Variants in VAT1L observed in about 807,000 individuals in gnomAD.
The protein encoded by VAT1L is putative NADPH-dependent quinone oxidoreductase VAT1L.
Under a neutral mutation model 44.1 loss-of-function variants are expected in VAT1L, and 34 were observed. The observed-to-expected ratio is 0.77, with a 90% CI of 0.59 to 1.03. The LOEUF is 1.03. Among genes scored for constraint, VAT1L ranks in the 50% least tolerant of loss-of-function variants. The pLI is 0.00. For synonymous variants in VAT1L, 253 were observed against 202.2 expected (o/e 1.25, Z -2.13); for missense variants, 615 against 538.8 (o/e 1.14, Z -1.40).
rs1186108261 is a variant in VAT1L at position 77,813,077 on chromosome 16, TCTAA to T, written c.234-3839_234-3836del. ...TAGTCATTGCCACCCCCAAAAACATTCTAACTAAGAATCAGATTACCTTAGAGAA... is the reference window on the plus strand; with the variant it reads ...TAGTCATTGCCACCCCCAAAAACATTCTAAGAATCAGATTACCTTAGAGAA... On this transcript the variant is annotated intron_variant, in intron 1 of 8. Transcript: ENST00000302536. Among the ~76,000 whole-genome samples the T allele has an allele frequency of 1.4e-4, 21 of 152,164 alleles. 1 individual carries two copies. The highest frequency in any genetic ancestry group is 1.0e-3 in the South Asian group (5 of 4,818).
At chr16:77,948,739 C>T (rs1302045363) in intron 7 of VAT1L, among the ~76,000 whole-genome samples, 1 of 152,094 alleles carries the variant, frequency 6.6e-6, no homozygotes, top group African/African-American at 2.4e-5. Flanking sequence ...ATTTCATAAA[C>T]ATTCTAAGTT....
chr16:77,922,959 C>G (rs10514432), intron 7 of VAT1L, among the ~76,000 whole-genome samples: 26,951 of 152,044 alleles, frequency 0.18, 2,405 homozygotes, highest in East Asian at 0.24. Flanking sequence ...GTTCAATCTT[C>G]GTTGACGTCT....
chr16:77,971,910 G>A lies in VAT1L; in HGVS notation c.1138G>A (p.Val380Ile), dbSNP rs1231681504. The A allele has an allele frequency of 2.5e-6, 4 of 1,613,826 alleles. No homozygotes were observed. The highest frequency in any genetic ancestry group is 2.2e-5 in the East Asian group (1 of 44,890). ...RGNIGKLILD[V>I]EKTPTPLMAN... ...GAACATTGGCAAGTTAATTCTGGAT[G>A]TAGAAAAGACCCCAACTCCACTGGT... is the stretch of plus-strand genomic sequence containing the variant. The change falls in exon 8 of 9, where the codon GTA becomes ATA. Residue 380 changes from valine (V) to isoleucine (I), a missense_variant. Coordinates refer to ENST00000302536, the MANE Select transcript of VAT1L (RefSeq NM_020927.3).
chr16:77,927,261 C>G lies in VAT1L; in HGVS notation c.1077+42459C>G, dbSNP rs570660130. 2.4e-4 allele frequency among the ~76,000 whole-genome samples: 36 copies of G among 150,184 alleles called. No individual in the cohort carries two copies. In the South Asian group the frequency reaches 6.6e-3, roughly 27 times the overall value. On this transcript the variant is annotated intron_variant, in intron 7 of 8. Coordinates refer to ENST00000302536, the MANE Select transcript of VAT1L (RefSeq NM_020927.3). ...GCTGAGGCAGGAGAATGGCGTGAAC[C>G]TGGGAGGCAGAGCTTGCAGTGAGCC...
At chr16:77,908,889 G>C in intron 7 of VAT1L, among the ~76,000 whole-genome samples, 1 of 152,262 alleles carries the variant, frequency 6.6e-6, no homozygotes, top group African/African-American at 2.4e-5. Flanking sequence ...ACTCCAGCCT[G>C]GGCGACAGAG....
At chr16:77,865,377 G>A (rs768667186) in intron 4 of VAT1L, among the ~76,000 whole-genome samples, 3 of 152,044 alleles carry the variant, frequency 2.0e-5, no homozygotes, top group Middle Eastern at 3.2e-3. Flanking sequence ...ATTTTTGCAA[G>A]CATTCTTTCA....
At chr16:77,858,076 A>T (rs75422403) in intron 3 of VAT1L, among the ~76,000 whole-genome samples, 1 of 152,184 alleles carries the variant, frequency 6.6e-6, no homozygotes, top group Admixed American at 6.5e-5. Context: ...CAGGTTCTGC[A>T]CTGGGCACAG....
chr16:77,930,737 G>C (rs1389592331), intron 7 of VAT1L, among the ~76,000 whole-genome samples: 1 of 152,070 alleles, frequency 6.6e-6, no homozygotes, highest in Non-Finnish European at 1.5e-5. Flanking sequence ...ATCTCCTCTT[G>C]GCCTGCTCCA....
intron 1 of VAT1L, among the ~76,000 whole-genome samples, chr16:77,797,952 C>T (rs1372881261): frequency 6.6e-6 from 1 of 152,084 alleles, no homozygotes; most frequent in African/African-American, 2.4e-5. Context: ...TGTCTGAAGG[C>T]CCAGGAGACA....
At chr16:77,970,012 A>G (rs1478126483) in intron 7 of VAT1L, among the ~76,000 whole-genome samples, 1 of 142,558 alleles carries the variant, frequency 7.0e-6, no homozygotes, top group East Asian at 2.1e-4. Context: ...CCAACAGTTC[A>G]TGAGCAGCCT....
intron 7 of VAT1L, among the ~76,000 whole-genome samples, chr16:77,888,232 C>T (rs1015972629): frequency 2.6e-5 from 4 of 152,180 alleles, no homozygotes; most frequent in Admixed American, 2.6e-4. Context: ...ATTGCATTTA[C>T]TGTCAGTTGA....
chr16:77,859,606 A>G (rs2016895556), intron 3 of VAT1L, among the ~76,000 whole-genome samples: 1 of 152,188 alleles, frequency 6.6e-6, no homozygotes, highest in Non-Finnish European at 1.5e-5. Flanking sequence ...CCACAGAAGG[A>G]CTTTTGGAAA....
chr16:77,802,945 C>T (rs374753204), intron 1 of VAT1L, among the ~76,000 whole-genome samples: 5 of 152,216 alleles, frequency 3.3e-5, no homozygotes, highest in African/African-American at 4.8e-5. Context: ...ATCACGGCAG[C>T]GGACACAGCA....
intron 7 of VAT1L, among the ~76,000 whole-genome samples, chr16:77,911,407 C>G (rs745589461): frequency 6.6e-6 from 1 of 152,138 alleles, no homozygotes; most frequent in Non-Finnish European, 1.5e-5. Flanking sequence ...ACTAAGGATT[C>G]AGTACTTCTC....
In VAT1L at chr16:77,861,155, C is replaced by T. The variant is rs146147614; in HGVS notation, c.580-1593C>T. Among the ~76,000 whole-genome samples the T allele has an allele frequency of 2.1e-3, 322 of 152,218 alleles. 1 individual carries two copies. Among genetic ancestry groups the T allele is most frequent in the African/African-American group, 7.4e-3 (308 of 41,520 alleles). On this transcript the variant is annotated intron_variant, in intron 3 of 8. Transcript: ENST00000302536. ...GATGACATTTCCATAAATTGACCTG[C>T]CAACCTGATTTAGTCCGCCAGCATG...
Position 77,878,274 on chromosome 16 carries a change from C to G in VAT1L, c.827-895C>G, listed in dbSNP as rs181481858. ...GCAAAAACCACAGTTACTTTTGCAC[C>G]AACTTATTAACTGGCTACTAGTTTA... On this transcript the variant is annotated intron_variant, in intron 5 of 8. Transcript: ENST00000302536. Among the ~76,000 whole-genome samples the G allele has an allele frequency of 1.4e-4, 22 of 152,230 alleles. 1 individual carries two copies. Among genetic ancestry groups the G allele is most frequent in the Admixed American group, 1.4e-3 (22 of 15,302 alleles).
chr16:77,913,870 G>C (rs187396034), intron 7 of VAT1L, among the ~76,000 whole-genome samples: 369 of 152,316 alleles, frequency 2.4e-3, no homozygotes, highest in Non-Finnish European at 3.7e-3. Flanking sequence ...GGAGGTGAAA[G>C]AGCCAGGACC....
At chr16:77,869,738 G>C (rs2017011215) in intron 4 of VAT1L, among the ~76,000 whole-genome samples, 1 of 152,168 alleles carries the variant, frequency 6.6e-6, no homozygotes. Flanking sequence ...CTGGAAGTTA[G>C]GAAACTGCGA....
In VAT1L at chr16:77,815,968, CAAA is replaced by C. The variant is rs57312031; in HGVS notation, c.234-934_234-932del. Among the ~76,000 whole-genome samples the C allele has an allele frequency of 3.0e-4, 10 of 32,946 alleles. No individual in the cohort carries two copies. The East Asian group carries it at 5.5e-3, about 18-fold the overall frequency. The allele number at this position is 32,946 out of a possible 152,430, so 21.6% of individuals were successfully genotyped here. Reference sequence around the variant, plus strand: ...GGACAACAGGAGCAAAACTCTGTCTCAAAAAAAAAAAAAAAAAAAAAGTACATT... The same window carrying C: ...GGACAACAGGAGCAAAACTCTGTCTCAAAAAAAAAAAAAAAAAAGTACATT... On this transcript the variant is annotated intron_variant, in intron 1 of 8. Coordinates refer to ENST00000302536, the MANE Select transcript of VAT1L (RefSeq NM_020927.3).
Sources: allele counts gnomAD v4.1 joint callset (sites outside exome capture counted in the v4.1 genomes callset), GRCh38; gene constraint gnomAD v4.1.1; transcripts MANE v1.5; gene names NCBI Gene and HGNC (gene_info 2026-07-23, HGNC 2026-07-21).